CALB2: variants seen among roughly 807,000 people sequenced by gnomAD.
CALB2 encodes calretinin.
CALB2 carries 34 observed loss-of-function variants against 45.9 expected under a neutral mutation model. The ratio of observed to expected loss-of-function variants is 0.74; its 90% CI spans 0.56 to 0.99. The LOEUF is 0.99. CALB2 is among the 50% of genes least tolerant of loss of function. CALB2 has a pLI of 0.00. For synonymous variants in CALB2, 142 were observed against 129.6 expected, an observed-to-expected ratio of 1.10 and a Z score of -0.65; for missense variants, 344 against 339.3, an observed-to-expected ratio of 1.01 and a Z score of -0.11.
In CALB2 at chr16:71,384,721, C is replaced by T. The variant is rs375569784; in HGVS notation, c.574-62C>T. 1,040 of 1,021,020 alleles carry T rather than the reference C, an allele frequency of 1.0e-3. 3 individuals carry two copies. The highest frequency in any genetic ancestry group is 1.3e-3 in the Non-Finnish European group (978 of 756,268). 63.2% of individuals were successfully genotyped at this position (1,021,020 alleles called of 1,614,324 possible). ...ACACACATAAACACACACACACAAACGCACACCCACACACACACCACTGCG... is the reference window on the plus strand; with the variant it reads ...ACACACATAAACACACACACACAAATGCACACCCACACACACACCACTGCG... On this transcript the variant is annotated intron_variant, in intron 8 of 10. Coordinates refer to ENST00000302628, the MANE Select transcript of CALB2 (RefSeq NM_001740.5).
chr16:71,368,874 AT>A (rs2042315593), intron 1 of CALB2, among the ~76,000 whole-genome samples: 1 of 152,148 alleles, frequency 6.6e-6, no homozygotes, highest in Non-Finnish European at 1.5e-5. Flanking sequence ...GCACTGGATG[AT>A]TGTCTGAGTT....
chr16:71,384,475 C>G (rs1386284099), intron 8 of CALB2, 97 bp downstream of exon 8: 1 of 924,066 alleles, frequency 1.1e-6, no homozygotes, highest in East Asian at 2.4e-5. Flanking sequence ...ACACACTACA[C>G]ACACCCACAC....
At chr16:71,375,202 A>C (rs1049759411) in intron 3 of CALB2, among the ~76,000 whole-genome samples, 2 of 152,264 alleles carry the variant, frequency 1.3e-5, no homozygotes, top group African/African-American at 4.8e-5. Context: ...AGTTATATAC[A>C]TAATTTACAC....
chr16:71,360,842 A>G (rs2042231009), intron 1 of CALB2, among the ~76,000 whole-genome samples: 1 of 152,190 alleles, frequency 6.6e-6, no homozygotes, highest in South Asian at 2.1e-4. Flanking sequence ...GTCATGGAGC[A>G]AGTTACTGGT....
intron 6 of CALB2, among the ~76,000 whole-genome samples, 156 bp downstream of exon 6, chr16:71,383,600 C>T (rs1432662697): frequency 6.6e-6 from 1 of 152,188 alleles, no homozygotes; most frequent in Non-Finnish European, 1.5e-5. Flanking sequence ...TACTTCGTGG[C>T]TTCACATACC....
chr16:71,384,209 C>A, intron 7 of CALB2, 130 bp from the exon 8 acceptor site: 1 of 996,160 alleles, frequency 1.0e-6, no homozygotes, highest in Non-Finnish European at 1.6e-6. Context: ...TTGAACTTCC[C>A]ACTGATTCAT....
intron 9 of CALB2, 82 bp from the exon 10 acceptor site, chr16:71,385,495 A>C: frequency 8.3e-7 from 1 of 1,200,856 alleles, no homozygotes. Flanking sequence ...GAGAGGCTAG[A>C]CTCTTAGACA....
chr16:71,365,596 C>T (rs1243891591), intron 1 of CALB2, among the ~76,000 whole-genome samples: 1 of 152,094 alleles, frequency 6.6e-6, no homozygotes, highest in African/African-American at 2.4e-5. Flanking sequence ...TGGGCACCAC[C>T]CCCCAGAGAA....
chr16:71,382,830 C>T (rs1186206706), intron 5 of CALB2, 55 bp downstream of exon 5: 3 of 1,488,102 alleles, frequency 2.0e-6, no homozygotes, highest in Non-Finnish European at 2.7e-6. Context: ...GCTTAAGGTG[C>T]CTGAGGAGGG....
chr16:71,374,673 A>G (rs976692497), intron 2 of CALB2, 72 bp from the exon 3 acceptor site: 41 of 1,064,332 alleles, frequency 3.9e-5, no homozygotes, highest in Middle Eastern at 2.0e-4. Context: ...ATGATTTCCA[A>G]GCTTCCTGCT....
chr16:71,381,506 G>C (rs531474789), intron 4 of CALB2, among the ~76,000 whole-genome samples: 1 of 151,718 alleles, frequency 6.6e-6, no homozygotes, highest in African/African-American at 2.4e-5. Flanking sequence ...GACATTTTCC[G>C]TAAAATATAA....
intron 4 of CALB2, among the ~76,000 whole-genome samples, chr16:71,380,287 CTTTTCTTTTTTTTTTTTTTTTTTTTT>C (rs1372491322): frequency 1.1e-5 from 1 of 87,096 alleles, no homozygotes; most frequent in African/African-American, 4.2e-5. Context: ...TCTTTCCTTC[CTTTTCTTTTTTTTTTTTTTTTTTTTT>C]TTTTTTTTTT....
intron 5 of CALB2, 102 bp from the exon 6 acceptor site, chr16:71,383,265 C>A: frequency 1.9e-6 from 2 of 1,042,826 alleles, no homozygotes; most frequent in Non-Finnish European, 2.9e-6. Context: ...CTGAAAAACA[C>A]ACACACACAC....
rs540488943 is a variant in CALB2, at chr16:71,359,409, C to A, written c.94+523C>A. ...AAAATGGCATTGGGGGCCCTGAACA[C>A]CCCCCTGCTTCCTTTGTCCATTTTC... On this transcript the variant is annotated intron_variant, in intron 1 of 10. Transcript: ENST00000302628. 1.8e-3 allele frequency among the ~76,000 whole-genome samples: 281 copies of A among 152,246 alleles called. 1 individual carries two copies. Among genetic ancestry groups the A allele is most frequent in the Non-Finnish European group, 3.0e-3 (201 of 68,008 alleles).
At chr16:71,374,582 C>G (rs765340622) in intron 2 of CALB2, among the ~76,000 whole-genome samples, 163 bp from the exon 3 acceptor site, 1 of 152,072 alleles carries the variant, frequency 6.6e-6, no homozygotes, top group Non-Finnish European at 1.5e-5. Context: ...TTGAAGGGAA[C>G]CTGGAAAGGA....
intron 2 of CALB2, among the ~76,000 whole-genome samples, chr16:71,373,627 A>G (rs7191938): frequency 0.71 from 108,335 of 152,096 alleles, 38,850 homozygotes; most frequent in Admixed American, 0.81. Flanking sequence ...GCTGTTATAT[A>G]GTAGAAAGAA....
Position 71,390,041 on chromosome 16 carries a change from G to A in CALB2, c.*176G>A. Reference sequence around the variant, plus strand: ...ATGGGCAGCTGGGGGGCTGTCCTGAGCCCCCTGCACCCACCCCTGCCCAGG... The same window carrying A: ...ATGGGCAGCTGGGGGGCTGTCCTGAACCCCCTGCACCCACCCCTGCCCAGG... On this transcript the variant is annotated 3_prime_UTR_variant, in exon 11 of 11. Transcript: ENST00000302628. The A allele has an allele frequency of 1.7e-6, 1 of 595,190 alleles. No homozygotes were observed. The highest frequency in any genetic ancestry group is 3.0e-6 in the Non-Finnish European group (1 of 332,696). The allele number at this position is 595,190 out of a possible 1,614,324, so 36.9% of individuals were successfully genotyped here.
intron 4 of CALB2, among the ~76,000 whole-genome samples, chr16:71,380,936 T>C (rs895354523): frequency 6.6e-6 from 1 of 152,198 alleles, no homozygotes; most frequent in African/African-American, 2.4e-5. Context: ...AGAGAAAGGA[T>C]GCACTGATGA....
chr16:71,374,927 TGA>T lies in CALB2; in HGVS notation c.261+95_261+96del, dbSNP rs1482546904. On this transcript the variant is annotated intron_variant, in intron 3 of 10. Transcript: ENST00000302628. ...ATGAGCATCCTGCTGAGGATTGGAG[TGA>T]GGTGGGGGCCTCAAAGCTCCTGCAC... 3 of 853,280 alleles carry T rather than the reference TGA, an allele frequency of 3.5e-6. No individual in the cohort carries two copies. The Admixed American group carries it at 6.3e-5, about 18-fold the overall frequency. 52.9% of individuals were successfully genotyped at this position (853,280 alleles called of 1,614,324 possible). A position where few individuals can be genotyped will look rare whatever the true frequency, so the allele number is the denominator to read the frequency against.
Sources: gnomAD v4.1 joint callset for allele counts (sites outside exome capture counted in the v4.1 genomes callset) on GRCh38, gnomAD v4.1.1 for gene constraint, MANE v1.5 for transcripts, NCBI Gene and HGNC (gene_info 2026-07-23, HGNC 2026-07-21) for gene names.